The following SAXO1 variants were observed in gnomAD, a reference collection of about 807,000 sequenced individuals.
SAXO1 encodes stabilizer of axonemal microtubules 1, also known as 4930500O09Rik.
Under a neutral mutation model 17.5 loss-of-function variants are expected in SAXO1, and 21 were observed. The observed-to-expected ratio is 1.20, with a 90% CI of 0.85 to 1.72. The LOEUF (loss-of-function observed/expected upper bound fraction) is 1.72. Among genes scored for constraint, SAXO1 ranks in the 40% most tolerant of loss-of-function variants. The pLI is 0.00. For missense variants in SAXO1, 843 were observed against 596.0 expected, an observed-to-expected ratio of 1.41 and a Z score of -4.32; for synonymous variants, 274 against 216.5, an observed-to-expected ratio of 1.27 and a Z score of -2.33.
chr9:19,005,422 A>T (rs558387770), intron 1 of SAXO1, among the ~76,000 whole-genome samples: 4 of 152,368 alleles, frequency 2.6e-5, no homozygotes, highest in African/African-American at 9.6e-5. Flanking sequence ...TACTAGCATA[A>T]GGACAGACAT....
At chr9:19,000,050 G>A (rs113289180) in intron 1 of SAXO1, among the ~76,000 whole-genome samples, 1,734 of 136,052 alleles carry the variant, frequency 0.013, 55 homozygotes, top group African/African-American at 0.046. Context: ...CTGCCCAGCC[G>A]CCACAACATC....
intron 3 of SAXO1, among the ~76,000 whole-genome samples, chr9:18,935,594 A>C (rs920023199): frequency 1.2e-4 from 18 of 152,270 alleles, no homozygotes; most frequent in African/African-American, 4.1e-4. Context: ...TAGTCTGCAC[A>C]CAGTCTTGCC....
intron 1 of SAXO1, among the ~76,000 whole-genome samples, chr9:18,975,482 T>C (rs1355575296): frequency 1.3e-5 from 2 of 152,226 alleles, no homozygotes; most frequent in Non-Finnish European, 2.9e-5. Flanking sequence ...TGAAATGGAA[T>C]CATTTGCCCT....
intron 1 of SAXO1, among the ~76,000 whole-genome samples, chr9:18,971,597 C>G (rs1832944820): frequency 6.6e-6 from 1 of 152,140 alleles, no homozygotes; most frequent in Non-Finnish European, 1.5e-5. Context: ...TAAGACACCC[C>G]CTACTTTCCA....
At chr9:18,999,433 G>A (rs1248938241) in intron 1 of SAXO1, among the ~76,000 whole-genome samples, 1 of 152,118 alleles carries the variant, frequency 6.6e-6, no homozygotes, top group Non-Finnish European at 1.5e-5. Flanking sequence ...GGGAAGTGAG[G>A]AGCGCCTCCA....
intron 1 of SAXO1, among the ~76,000 whole-genome samples, chr9:19,031,373 C>A (rs902279416): frequency 2.6e-5 from 4 of 152,172 alleles, no homozygotes; most frequent in Admixed American, 6.5e-5. Context: ...CCAGCCTGGA[C>A]AACATGGTTG....
chr9:18,977,660 G>A (rs1419893811), intron 1 of SAXO1, among the ~76,000 whole-genome samples: 1 of 152,120 alleles, frequency 6.6e-6, no homozygotes, highest in Non-Finnish European at 1.5e-5. Context: ...ACTTGGAATT[G>A]TATGAAAATG....
intron 1 of SAXO1, among the ~76,000 whole-genome samples, chr9:18,989,258 T>C (rs1428916679): frequency 2.0e-5 from 3 of 152,176 alleles, no homozygotes; most frequent in Admixed American, 1.3e-4. Context: ...TCCTTCCCTA[T>C]TGCTTTTAAG....
chr9:18,969,778 C>T (rs1313778654), intron 1 of SAXO1, among the ~76,000 whole-genome samples: 1 of 152,224 alleles, frequency 6.6e-6, no homozygotes, highest in Non-Finnish European at 1.5e-5. Flanking sequence ...ATTCTTTCTG[C>T]AGCCCTGAGA....
chr9:18,979,981 A>T (rs905482291), intron 1 of SAXO1, among the ~76,000 whole-genome samples: 1 of 152,240 alleles, frequency 6.6e-6, no homozygotes, highest in African/African-American at 2.4e-5. Flanking sequence ...GACAGACTGT[A>T]CTGGGCAAGT....
rs112157680 is a variant in SAXO1, at chr9:19,019,832, A to G, written c.38+13039T>C. Among the ~76,000 whole-genome samples the G allele has an allele frequency of 9.8e-4, 149 of 152,294 alleles. 1 individual carries two copies. Among genetic ancestry groups the G allele is most frequent in the African/African-American group, 3.3e-3 (137 of 41,562 alleles). ...TTGACCCCAAATCCACTTTCACGCA[A>G]TGACCACTCATGGGTCTTGGTTCCA... On this transcript the variant is annotated intron_variant, in intron 1 of 3. Coordinates refer to ENST00000380534, the MANE Select transcript of SAXO1 (RefSeq NM_153707.4).
At position 18,984,727 on chromosome 9, in the gene SAXO1, C is replaced by G. The variant is rs549249172; in HGVS notation, c.39-33790G>C. Among the ~76,000 whole-genome samples the G allele has an allele frequency of 6.6e-5, 10 of 152,292 alleles. No homozygotes were observed. In the South Asian group the frequency reaches 2.1e-3, roughly 32 times the overall value. ...GGCTGCTAAAACTTTCTCCATATCA[C>G]TAAAACTTTCCCCATATCAGCAATA... On this transcript the variant is annotated intron_variant, in intron 1 of 3. Transcript: ENST00000380534.
chr9:18,952,759 A>G (rs1887445), intron 1 of SAXO1, among the ~76,000 whole-genome samples: 86,044 of 152,082 alleles, frequency 0.57, 27,110 homozygotes, highest in Non-Finnish European at 0.71. Flanking sequence ...CTTATAGTAT[A>G]AATATCTAAA....
intron 1 of SAXO1, among the ~76,000 whole-genome samples, chr9:18,992,559 A>T (rs1198506605): frequency 1.3e-5 from 2 of 152,126 alleles, no homozygotes; most frequent in African/African-American, 4.8e-5. Context: ...GAGGTGGCAC[A>T]ATTCAATCCA....
At chr9:18,978,908 T>C (rs188913997) in intron 1 of SAXO1, among the ~76,000 whole-genome samples, 9 of 152,310 alleles carry the variant, frequency 5.9e-5, no homozygotes, top group Admixed American at 2.0e-4. Flanking sequence ...GTTACTCTCT[T>C]TTCAAAGAAA....
At chr9:18,934,929 T>C (rs545825520) in intron 3 of SAXO1, among the ~76,000 whole-genome samples, 1 of 152,222 alleles carries the variant, frequency 6.6e-6, no homozygotes, top group Non-Finnish European at 1.5e-5. Flanking sequence ...TGTTTTTAAT[T>C]TGCTTGTTTG....
chr9:18,958,266 A>C (rs1263057975), intron 1 of SAXO1, among the ~76,000 whole-genome samples: 1 of 152,146 alleles, frequency 6.6e-6, no homozygotes, highest in Non-Finnish European at 1.5e-5. Flanking sequence ...TCTACTAAAA[A>C]TACAAAAATT....
intron 3 of SAXO1, among the ~76,000 whole-genome samples, chr9:18,929,613 T>C (rs910900727): frequency 1.6e-4 from 25 of 152,170 alleles, no homozygotes; most frequent in African/African-American, 6.0e-4. Context: ...GGGCATTGTA[T>C]TGGGTGGTGA....
intron 1 of SAXO1, chr9:19,028,172 C>T (rs1479482176): frequency 1.4e-6 from 2 of 1,379,864 alleles, no homozygotes; most frequent in Non-Finnish European, 2.0e-6. Context: ...GGCTGAAGTG[C>T]GCAATAAAAG....
Sources: allele counts gnomAD v4.1 joint callset (sites outside exome capture counted in the v4.1 genomes callset), GRCh38; gene constraint gnomAD v4.1.1; transcripts MANE v1.5; gene names NCBI Gene and HGNC (gene_info 2026-07-23, HGNC 2026-07-21).